Variants in PPARGC1A observed in about 807,000 individuals in gnomAD.
PPARGC1A encodes the protein peroxisome proliferator-activated receptor gamma coactivator 1-alpha.
PPARGC1A carries 25 observed loss-of-function variants against 88.7 expected under a neutral mutation model. That is an observed-to-expected ratio of 0.28 (90% CI 0.21 to 0.39). The LOEUF (loss-of-function observed/expected upper bound fraction) is 0.39. Ranked by LOEUF, PPARGC1A falls within the 10% of genes least tolerant of loss-of-function variation. The pLI, the probability that PPARGC1A is intolerant of heterozygous loss-of-function variation, is 1.00. For missense variants in PPARGC1A, 880 were observed against 968.7 expected (o/e 0.91, Z 1.22); for synonymous variants, 363 against 355.6 (o/e 1.02, Z -0.24).
rs755799712 is a variant in PPARGC1A at position 23,866,795 on chromosome 4, GCTGA to G, written c.234+17953_234+17956del. Among the ~76,000 whole-genome samples, 6 of 151,910 alleles carry G rather than the reference GCTGA, an allele frequency of 3.9e-5. No homozygotes were observed. The East Asian group carries it at 1.2e-3, about 29-fold the overall frequency. Reference sequence around the variant, plus strand: ...TTTTTTTTTAGCTTGGCTTGCTGTAGCTGACTATTTAATTCATTTCTGATTCTAT... The same window carrying G: ...TTTTTTTTTAGCTTGGCTTGCTGTAGCTATTTAATTCATTTCTGATTCTAT... On this transcript the variant is annotated intron_variant, in intron 2 of 12. Transcript: ENST00000264867.
chr4:24,161,684 T>A, the PPARGC1A span, among the ~76,000 whole-genome samples: 1 of 152,154 alleles, frequency 6.6e-6, no homozygotes, highest in African/African-American at 2.4e-5. Context: ...TAGCTAAGCT[T>A]CCTACGTAGT....
chr4:24,211,108 T>C, the PPARGC1A span, among the ~76,000 whole-genome samples: 1 of 152,164 alleles, frequency 6.6e-6, no homozygotes, highest in Admixed American at 6.5e-5. Flanking sequence ...GGCAAGAACT[T>C]TTTCATGTCT....
chr4:24,294,874 G>A, the PPARGC1A span, among the ~76,000 whole-genome samples: 5 of 152,210 alleles, frequency 3.3e-5, no homozygotes, highest in Non-Finnish European at 7.3e-5. Context: ...CTTTTTGAGA[G>A]TAGCAGCTCC....
intron 12 of PPARGC1A, among the ~76,000 whole-genome samples, chr4:23,799,536 T>C (rs1168474859): frequency 6.6e-6 from 1 of 152,198 alleles, no homozygotes; most frequent in Non-Finnish European, 1.5e-5. Context: ...CTTCAGACTA[T>C]ACAATGATGG....
At chr4:23,872,393 A>C (rs7662164) in intron 2 of PPARGC1A, among the ~76,000 whole-genome samples, 353 of 152,272 alleles carry the variant, frequency 2.3e-3, no homozygotes, top group African/African-American at 8.0e-3. Context: ...AGGACATCAT[A>C]AATTTCAGGT....
the PPARGC1A span, among the ~76,000 whole-genome samples, chr4:24,376,332 G>C: frequency 3.9e-5 from 6 of 152,268 alleles, no homozygotes; most frequent in East Asian, 5.8e-4. Flanking sequence ...AGCCCTGTAG[G>C]GGGTGAAGAG....
the PPARGC1A span, among the ~76,000 whole-genome samples, chr4:24,308,562 T>C: frequency 6.6e-6 from 1 of 152,142 alleles, no homozygotes; most frequent in African/African-American, 2.4e-5. Flanking sequence ...GATCATGTTA[T>C]GAAGCCAGAG....
At chr4:23,888,363 C>T (rs149314691) in intron 1 of PPARGC1A, among the ~76,000 whole-genome samples, 56 of 152,320 alleles carry the variant, frequency 3.7e-4, no homozygotes, top group African/African-American at 1.3e-3. Context: ...TAAAATAAAT[C>T]TTCCTTATTT....
the PPARGC1A span, among the ~76,000 whole-genome samples, chr4:23,984,459 C>T: frequency 6.6e-6 from 1 of 152,006 alleles, no homozygotes; most frequent in African/African-American, 2.4e-5. Flanking sequence ...ATTTACCTAC[C>T]AAGGTTTCCG....
chr4:24,336,191 G>C, the PPARGC1A span, among the ~76,000 whole-genome samples: 1 of 152,138 alleles, frequency 6.6e-6, no homozygotes, highest in African/African-American at 2.4e-5. Flanking sequence ...GGTTCCAAGA[G>C]GAAATAGCAG....
At chr4:23,959,673 T>C in the PPARGC1A span, among the ~76,000 whole-genome samples, 3 of 152,072 alleles carry the variant, frequency 2.0e-5, no homozygotes, top group African/African-American at 7.2e-5. Flanking sequence ...TATGAGCTCT[T>C]GGGGTCTCCT....
chr4:23,857,043 T>TGTA (rs1730301945), intron 2 of PPARGC1A, among the ~76,000 whole-genome samples: 1 of 152,122 alleles, frequency 6.6e-6, no homozygotes, highest in Non-Finnish European at 1.5e-5. Flanking sequence ...ATATATTATT[T>TGTA]GAAAACTTAA....
chr4:24,280,384 G>A, the PPARGC1A span, among the ~76,000 whole-genome samples: 55 of 152,188 alleles, frequency 3.6e-4, no homozygotes, highest in African/African-American at 1.3e-3. Flanking sequence ...CACAGTTTTT[G>A]TTCTCAGAAA....
At chr4:24,186,287 G>A in the PPARGC1A span, among the ~76,000 whole-genome samples, 3 of 152,230 alleles carry the variant, frequency 2.0e-5, no homozygotes, top group East Asian at 3.9e-4. Flanking sequence ...ACCCTTCTGC[G>A]AATCCAGTAA....
chr4:24,324,345 G>A, the PPARGC1A span, among the ~76,000 whole-genome samples: 24 of 150,142 alleles, frequency 1.6e-4, no homozygotes, highest in South Asian at 2.2e-3. Flanking sequence ...GCTTATTTCC[G>A]CACCACAACC....
In PPARGC1A at chr4:23,844,316, T is replaced by A. The variant is rs377510941; in HGVS notation, c.235-12565A>T. 1.7e-3 allele frequency among the ~76,000 whole-genome samples: 243 copies of A among 140,180 alleles called. 1 individual carries two copies. The highest frequency in any genetic ancestry group is 6.2e-3 in the African/African-American group (235 of 38,062). 92.0% of individuals were successfully genotyped at this position (140,180 alleles called of 152,430 possible). A position where few individuals can be genotyped will look rare whatever the true frequency, so the allele number is the denominator to read the frequency against. ...CATGTGTACATGACAACATATTATA[T>A]TAGAATAATCATAAACTATATTATA... On this transcript the variant is annotated intron_variant, in intron 2 of 12. Transcript: ENST00000264867.
At chr4:24,300,225 TA>T in the PPARGC1A span, among the ~76,000 whole-genome samples, 1 of 151,666 alleles carries the variant, frequency 6.6e-6, no homozygotes, top group African/African-American at 2.4e-5. Context: ...TTTTTATATA[TA>T]AGACCTCATT....
At chr4:24,102,752 T>G in the PPARGC1A span, among the ~76,000 whole-genome samples, 2 of 152,140 alleles carry the variant, frequency 1.3e-5, no homozygotes, top group African/African-American at 4.8e-5. Flanking sequence ...GTGGGCTGCT[T>G]TTATTTATAG....
chr4:24,125,428 T>C, the PPARGC1A span, among the ~76,000 whole-genome samples: 1 of 151,960 alleles, frequency 6.6e-6, no homozygotes, highest in Non-Finnish European at 1.5e-5. Context: ...TGTAGACCCC[T>C]AGCTCCACAC....
Sources: gnomAD v4.1 joint callset for allele counts (sites outside exome capture counted in the v4.1 genomes callset) on GRCh38, gnomAD v4.1.1 for gene constraint, MANE v1.5 for transcripts, NCBI Gene and HGNC (gene_info 2026-07-23, HGNC 2026-07-21) for gene names.